The following HHLA2 variants were observed in gnomAD, a reference collection of about 807,000 sequenced individuals.
The protein encoded by HHLA2 is HERV-H LTR-associating protein 2.
In HHLA2, 48 loss-of-function variants were observed where a neutral mutation model predicts 45.9. That is an observed-to-expected ratio of 1.05 (90% CI 0.83 to 1.33). The LOEUF is 1.33. HHLA2 is among the 40% of genes most tolerant of loss of function. The pLI, the probability that HHLA2 is intolerant of heterozygous loss-of-function variation, is 0.00. For missense variants in HHLA2, 462 were observed against 494.3 expected, an observed-to-expected ratio of 0.93 and a Z score of 0.62; for synonymous variants, 161 against 173.9, an observed-to-expected ratio of 0.93 and a Z score of 0.59.
Position 108,351,787 on chromosome 3 carries a change from G to T in HHLA2, c.-26-1G>T, listed in dbSNP as rs1431740201. On this transcript the variant is annotated splice_acceptor_variant, in intron 3 of 10. Coordinates refer to ENST00000619531, the Ensembl canonical transcript of HHLA2. LOFTEE classifies it low-confidence loss of function (5UTR_SPLICE). ...ATGTGCACTTTACTTCTCTTTGATA[G>T]CATGACTAATATGTTCTGCACAAGA... 8.1e-6 allele frequency: 13 copies of T among 1,603,046 alleles called. No individual in the cohort carries two copies. Among genetic ancestry groups the T allele is most frequent in the Non-Finnish European group, 1.1e-5 (13 of 1,171,894 alleles).
At chr3:108,304,462 G>A (rs191893600) in intron 1 of HHLA2, among the ~76,000 whole-genome samples, 2 of 152,202 alleles carry the variant, frequency 1.3e-5, no homozygotes, top group South Asian at 2.1e-4. Flanking sequence ...CTCTGCCACC[G>A]TCTGTGTCTC....
At chr3:108,369,009 G>A (rs534341869) in intron 8 of HHLA2, among the ~76,000 whole-genome samples, 1 of 152,188 alleles carries the variant, frequency 6.6e-6, no homozygotes, top group Non-Finnish European at 1.5e-5. Flanking sequence ...GAAAAGAATG[G>A]AAATCAAAAC....
chr3:108,320,858 A>T (rs773922879), intron 2 of HHLA2, among the ~76,000 whole-genome samples: 1 of 152,114 alleles, frequency 6.6e-6, no homozygotes, highest in African/African-American at 2.4e-5. Context: ...CAAAGCAGGT[A>T]CTAACCACGT....
intron 8 of HHLA2, among the ~76,000 whole-genome samples, chr3:108,374,021 G>A (rs1266497687): frequency 6.6e-6 from 1 of 150,624 alleles, no homozygotes; most frequent in African/African-American, 2.4e-5. Context: ...GCATTGCCAA[G>A]TCAATCCTAA....
At chr3:108,336,478 TA>T (rs1438661969) in intron 3 of HHLA2, among the ~76,000 whole-genome samples, 1 of 152,166 alleles carries the variant, frequency 6.6e-6, no homozygotes, top group East Asian at 1.9e-4. Flanking sequence ...TGTTAGTACT[TA>T]AGGAATGCTT....
chr3:108,371,553 C>A (rs1281971799), intron 8 of HHLA2, among the ~76,000 whole-genome samples: 1 of 151,994 alleles, frequency 6.6e-6, no homozygotes, highest in Admixed American at 6.6e-5. Context: ...CAGTCAAGAC[C>A]CATCAGTGTG....
intron 2 of HHLA2, among the ~76,000 whole-genome samples, chr3:108,319,547 A>G (rs764754507): frequency 3.1e-4 from 47 of 152,204 alleles, no homozygotes; most frequent in Non-Finnish European, 5.9e-5. Context: ...TTACCAAGTG[A>G]CCATAAAGAG....
intron 8 of HHLA2, among the ~76,000 whole-genome samples, chr3:108,367,533 AAC>A (rs1329263581): frequency 2.0e-5 from 3 of 152,162 alleles, no homozygotes; most frequent in African/African-American, 7.2e-5. Flanking sequence ...GGAGCTGAAA[AAC>A]ACAGCATGAG....
chr3:108,303,063 T>G (rs1451268642), intron 1 of HHLA2, among the ~76,000 whole-genome samples: 1 of 152,228 alleles, frequency 6.6e-6, no homozygotes, highest in Non-Finnish European at 1.5e-5. Context: ...GGCATTCAAC[T>G]GCTTAATTCA....
At chr3:108,310,421 T>C (rs1019844061) in intron 1 of HHLA2, among the ~76,000 whole-genome samples, 1 of 152,202 alleles carries the variant, frequency 6.6e-6, no homozygotes. Flanking sequence ...TGACATATTG[T>C]TCCCCTCTTA....
intron 8 of HHLA2, among the ~76,000 whole-genome samples, chr3:108,372,022 C>T (rs1406064404): frequency 6.6e-6 from 1 of 152,212 alleles, no homozygotes; most frequent in African/African-American, 2.4e-5. Context: ...ACAGAATATA[C>T]ATTCTTTTCA....
chr3:108,335,323 A>C (rs1340981715), intron 3 of HHLA2, among the ~76,000 whole-genome samples: 1 of 152,090 alleles, frequency 6.6e-6, no homozygotes, highest in Non-Finnish European at 1.5e-5. Context: ...TTCATCCACA[A>C]CCTGTGCTTG....
At chr3:108,371,769 G>C (rs2082178368) in intron 8 of HHLA2, among the ~76,000 whole-genome samples, 1 of 152,178 alleles carries the variant, frequency 6.6e-6, no homozygotes, top group Non-Finnish European at 1.5e-5. Context: ...TCAACAAGAA[G>C]AGCTAACTAT....
intron 2 of HHLA2, among the ~76,000 whole-genome samples, chr3:108,318,261 C>G (rs1351418363): frequency 2.0e-5 from 3 of 151,800 alleles, no homozygotes; most frequent in African/African-American, 7.3e-5. Flanking sequence ...TATTTTTCTT[C>G]AGACCTCACT....
At chr3:108,376,731 A>G (rs1004074837) in intron 10 of HHLA2, 174 bp downstream of exon 9, 6 of 520,908 alleles carry the variant, frequency 1.2e-5, no homozygotes, top group African/African-American at 7.8e-5. Flanking sequence ...GCTTTTCCCA[A>G]TGTCTATAAT....
At chr3:108,375,493 A>G (rs1001483634) in intron 8 of HHLA2, among the ~76,000 whole-genome samples, 2 of 151,280 alleles carry the variant, frequency 1.3e-5, no homozygotes, top group Admixed American at 6.6e-5. Flanking sequence ...AATACAAAAT[A>G]AATAAAAATA....
chr3:108,328,417 G>T lies in HHLA2; in HGVS notation c.-27+70G>T. The T allele has an allele frequency of 3.1e-6, 3 of 981,674 alleles. No individual in the cohort carries two copies. The South Asian group carries it at 4.9e-5, about 16-fold the overall frequency. 60.8% of individuals were successfully genotyped at this position (981,674 alleles called of 1,614,324 possible). A position where few individuals can be genotyped will look rare whatever the true frequency, so the allele number is the denominator to read the frequency against. On this transcript the variant is annotated intron_variant, in intron 3 of 10. Transcript: ENST00000619531. ...GCTATTTATTTGAAAATTACTGCAT[G>T]ACCAGGAAACATTTTAATTGCTTTG...
In HHLA2 at chr3:108,312,438, C is replaced by A. The variant is rs539898295; in HGVS notation, c.-105+1697C>A. Reference sequence around the variant, plus strand: ...GGGCCTGTTGATGTCCTGCCCAGATCCCCTTTTCTAGGCAGGTGCACCCAA... The same window carrying A: ...GGGCCTGTTGATGTCCTGCCCAGATACCCTTTTCTAGGCAGGTGCACCCAA... On this transcript the variant is annotated intron_variant, in intron 2 of 10. Transcript: ENST00000619531. 6.6e-5 allele frequency among the ~76,000 whole-genome samples: 10 copies of A among 152,366 alleles called. 1 individual carries two copies. Among genetic ancestry groups the A allele is most frequent in the African/African-American group, 2.2e-4 (9 of 41,590 alleles).
intron 1 of HHLA2, among the ~76,000 whole-genome samples, chr3:108,301,299 A>G (rs2080844507): frequency 6.6e-6 from 1 of 151,938 alleles, no homozygotes; most frequent in Non-Finnish European, 1.5e-5. Context: ...AAAGCTTTTT[A>G]CCTCTTCTTT....
Sources: allele counts gnomAD v4.1 joint callset (sites outside exome capture counted in the v4.1 genomes callset), GRCh38; gene constraint gnomAD v4.1.1; transcripts MANE v1.5; gene names NCBI Gene and HGNC (gene_info 2026-07-23, HGNC 2026-07-21).